The following GRIN2D variants were observed in gnomAD, a reference collection of about 807,000 sequenced individuals.
GRIN2D encodes glutamate receptor ionotropic, NMDA 2D.
A neutral mutation model predicts 103.2 loss-of-function variants in GRIN2D; 37 were observed. That is an observed-to-expected ratio of 0.36 (90% confidence interval 0.28 to 0.47). The LOEUF (loss-of-function observed/expected upper bound fraction) is 0.47, where lower values mean the gene tolerates loss of function less well. Ranked by LOEUF, GRIN2D falls within the 20% of genes least tolerant of loss-of-function variation. The probability of loss-of-function intolerance (pLI) is 1.00; values close to 1 mark genes in which losing one functional copy is unlikely to be tolerated. For synonymous variants in GRIN2D, 845 were observed against 885.6 expected (o/e 0.95, Z 0.81); for missense variants, 1,557 against 1,910.6 (o/e 0.81, Z 3.45).
chr19:48,439,868 G>A lies in GRIN2D; in HGVS notation c.2253-1901G>A, dbSNP rs562309847. Among the ~76,000 whole-genome samples the A allele has an allele frequency of 8.5e-5, 13 of 152,284 alleles. No individual in the cohort carries two copies. The South Asian group carries it at 2.7e-3, about 32-fold the overall frequency. Reference sequence around the variant, plus strand: ...TGAGACAGGAGAATCGTTTGATCCGGGGAGGCGGAGGTTGTGGTGAGCCCA... The same window carrying A: ...TGAGACAGGAGAATCGTTTGATCCGAGGAGGCGGAGGTTGTGGTGAGCCCA... On this transcript the variant is annotated intron_variant, in intron 11 of 13. Transcript: ENST00000263269.
rs1971347859 is a variant in GRIN2D, at chr19:48,443,996, G to A, written c.*59G>A. ...AGCGCAGGCCACGGCCCGAGGGGGC[G>A]CCCGCAGTGGACAGGACCCGCGTGG... On this transcript the variant is annotated 3_prime_UTR_variant, in exon 14 of 14. Transcript: ENST00000263269. This position sits in a 1 kb window ranked among gnomAD's most constrained non-coding sequence, Gnocchi z 8.9. 4.4e-6 allele frequency: 5 copies of A among 1,138,586 alleles called. No individual in the cohort carries two copies. The highest frequency in any genetic ancestry group is 5.8e-6 in the Non-Finnish European group (5 of 867,632). The allele number at this position is 1,138,586 out of a possible 1,614,324, so 70.5% of individuals were successfully genotyped here. A position where few individuals can be genotyped will look rare whatever the true frequency, so the allele number is the denominator to read the frequency against.
In GRIN2D at chr19:48,442,285, C is replaced by G; in HGVS notation, c.2576C>G (p.Ser859Cys). ...FYMLLVAMGL[S>C]LLVFAWEHLV... The stretch of plus-strand genomic sequence containing the variant: ...ATGCTCCTGGTGGCCATGGGCCTGT[C>G]CCTGCTGGTCTTCGCCTGGGAGCAC... Residue 859 changes from serine to cysteine, a missense_variant, in exon 13 of 14, where the codon TCC becomes TGC. Ser to Cys is a moderately radical substitution (Grantham distance 112, BLOSUM62 -1). Coordinates refer to ENST00000263269, the MANE Select transcript of GRIN2D (RefSeq NM_000836.4). The surrounding 1 kb of genome is among the most constrained non-coding windows in gnomAD (Gnocchi z 7.2). 6.2e-7 allele frequency: 1 copy of G among 1,614,152 alleles called. No homozygotes were observed. The highest frequency in any genetic ancestry group is 8.5e-7 in the Non-Finnish European group (1 of 1,180,020).
Position 48,398,848 on chromosome 19 carries a change from C to T in GRIN2D, c.456C>T (p.Leu152=). 7.3e-7 allele frequency: 1 copy of T among 1,373,178 alleles called. No homozygotes were observed. Among genetic ancestry groups the T allele is most frequent in the Non-Finnish European group, 9.4e-7 (1 of 1,064,314 alleles). 85.1% of individuals were successfully genotyped at this position (1,373,178 alleles called of 1,614,324 possible). A position where few individuals can be genotyped will look rare whatever the true frequency, so the allele number is the denominator to read the frequency against. Residue 152 remains leucine, a synonymous_variant, in exon 3 of 14, where the codon CTC becomes CTT. Coordinates refer to ENST00000263269, the MANE Select transcript of GRIN2D (RefSeq NM_000836.4). ...VAVHGGAALV[L]TPKEKGSTFL... ...TGCACGGCGGCGCCGCGCTCGTGCT[C>T]ACGCCCAAGGTGCGCGCGACCGGGG...
chr19:48,399,283 G>A (rs1362003620), intron 3 of GRIN2D, among the ~76,000 whole-genome samples: 1 of 152,180 alleles, frequency 6.6e-6, no homozygotes, highest in African/African-American at 2.4e-5. Flanking sequence ...AAAAGGAATG[G>A]GCCTGGGCGC....
chr19:48,416,926 G>T (rs1452409589), intron 8 of GRIN2D, among the ~76,000 whole-genome samples: 2 of 151,972 alleles, frequency 1.3e-5, no homozygotes, highest in Non-Finnish European at 2.9e-5. Flanking sequence ...TGTATTTTTA[G>T]TAGAGACGGG....
In GRIN2D at chr19:48,443,668, C is replaced by T; in HGVS notation, c.3742C>T (p.Pro1248Ser). 8.4e-7 allele frequency: 1 copy of T among 1,192,024 alleles called. No homozygotes were observed. Among genetic ancestry groups the T allele is most frequent in the African/African-American group, 1.6e-5 (1 of 61,554 alleles). The allele number at this position is 1,192,024 out of a possible 1,614,324, so 73.8% of individuals were successfully genotyped here. A position where few individuals can be genotyped will look rare whatever the true frequency, so the allele number is the denominator to read the frequency against. Residue 1248 changes from proline (P) to serine (S), a missense_variant, in exon 14 of 14, where the codon CCC (proline) becomes TCC (serine). By Grantham distance (74) the Pro-to-Ser change is moderately conservative. This residue lies in a region of GRIN2D where 632 missense variants were observed against 572.8 expected (regional missense o/e 1.10). Coordinates refer to ENST00000263269, the MANE Select transcript of GRIN2D (RefSeq NM_000836.4). The surrounding 1 kb of genome is among the most constrained non-coding windows in gnomAD (Gnocchi z 8.9). ...ASHRTPAAAA[P>S]HHHRHRRAAG... ...GCACCGCACGCCCGCCGCCGCCGCG[C>T]CCCACCACCACAGGCACCGGCGCGC...
intron 11 of GRIN2D, among the ~76,000 whole-genome samples, chr19:48,435,306 T>TG (rs1157332864): frequency 6.7e-5 from 10 of 149,896 alleles, no homozygotes; most frequent in Non-Finnish European, 1.2e-4. Flanking sequence ...GTTTTTTTTT[T>TG]TTTTTTTTTG....
At position 48,398,513 on chromosome 19, in the gene GRIN2D, C is replaced by G; in HGVS notation, c.121C>G (p.Pro41Ala). ...GCCGGGGCCGGGCGGGGCCGGTGGG[C>G]CCGGCGGCGGCCTCGGCGGGGCGCG... Reference protein sequence around the residue: ...EAPGPGGAGGPGGGLGGARPL... With the variant: ...EAPGPGGAGGAGGGLGGARPL... Residue 41 changes from proline (P) to alanine (A), a missense_variant, in exon 3 of 14, where the codon CCC becomes GCC. Physicochemically the swap from Pro to Ala is conservative, Grantham distance 27. Coordinates refer to ENST00000263269, the MANE Select transcript of GRIN2D (RefSeq NM_000836.4). The G allele has an allele frequency of 9.9e-7, 1 of 1,013,936 alleles. No homozygotes were observed. The highest frequency in any genetic ancestry group is 1.2e-6 in the Non-Finnish European group (1 of 850,712). The allele number at this position is 1,013,936 out of a possible 1,614,324, so 62.8% of individuals were successfully genotyped here. A position where few individuals can be genotyped will look rare whatever the true frequency, so the allele number is the denominator to read the frequency against.
intron 11 of GRIN2D, among the ~76,000 whole-genome samples, chr19:48,422,337 G>A (rs1400651577): frequency 1.3e-5 from 2 of 152,190 alleles, no homozygotes; most frequent in Non-Finnish European, 2.9e-5. Context: ...AGTAAGCCGG[G>A]CACGGTGGCT....
At chr19:48,402,656 T>G (rs1458406745) in intron 3 of GRIN2D, among the ~76,000 whole-genome samples, 8 of 142,702 alleles carry the variant, frequency 5.6e-5, no homozygotes, top group Non-Finnish European at 9.0e-5. Context: ...AGCGGAGCTT[T>G]CAGTGAGCCG....
chr19:48,404,145 C>T (rs1970751569), intron 3 of GRIN2D, among the ~76,000 whole-genome samples: 1 of 151,362 alleles, frequency 6.6e-6, no homozygotes, highest in Admixed American at 6.6e-5. Flanking sequence ...GAGGCTGAGG[C>T]AGGAGAACTG....
intron 8 of GRIN2D, among the ~76,000 whole-genome samples, chr19:48,418,652 C>T (rs2147454759): frequency 6.6e-6 from 1 of 152,016 alleles, no homozygotes. Flanking sequence ...AGGCTGTGGC[C>T]AGCGAGGGAG....
intron 2 of GRIN2D, among the ~76,000 whole-genome samples, chr19:48,395,279 T>C (rs1600964674): frequency 6.8e-6 from 1 of 147,302 alleles, no homozygotes; most frequent in South Asian, 2.2e-4. Context: ...CCTGCATCAG[T>C]CCCCCCATCG....
At chr19:48,399,607 C>G (rs1182052479) in intron 3 of GRIN2D, among the ~76,000 whole-genome samples, 1 of 152,008 alleles carries the variant, frequency 6.6e-6, no homozygotes, top group Non-Finnish European at 1.5e-5. Context: ...AAGAAAGGGG[C>G]GAAGTCTAGT....
At chr19:48,441,226 G>A (rs1213004151) in intron 11 of GRIN2D, among the ~76,000 whole-genome samples, 2 of 151,884 alleles carry the variant, frequency 1.3e-5, no homozygotes. Context: ...AGCTGGGCGT[G>A]GTAGTGGGCA....
At position 48,441,938 on chromosome 19, in the gene GRIN2D, C is replaced by A; in HGVS notation, c.2422C>A (p.Leu808Met). The change falls in exon 12 of 14, where the codon CTG becomes ATG. Residue 808 changes from leucine to methionine, a missense_variant. By Grantham distance (15) the Leu-to-Met change is conservative. This residue lies in a region of GRIN2D where 138 missense variants were observed against 270.2 expected (regional missense o/e 0.51). Coordinates refer to ENST00000263269, the MANE Select transcript of GRIN2D (RefSeq NM_000836.4). ...GAAGCGGCCCATCGACCTGGCGTTG[C>A]TGCAGTTCCTGGGGGATGGTGCGGC... ...RWKRPIDLAL[L>M]QFLGDDEIEM... 6.2e-7 allele frequency: 1 copy of A among 1,607,770 alleles called. No homozygotes were observed. The highest frequency in any genetic ancestry group is 8.5e-7 in the Non-Finnish European group (1 of 1,178,218).
Position 48,416,017 on chromosome 19 carries a change from G to T in GRIN2D, c.1597G>T (p.Ala533Ser). 1.2e-6 allele frequency: 2 copies of T among 1,613,606 alleles called. No homozygotes were observed. Among genetic ancestry groups the T allele is most frequent in the Admixed American group, 1.7e-5 (1 of 59,984 alleles). The change falls in exon 8 of 14, where the codon GCA becomes TCA. Residue 533 changes from alanine to serine, a missense_variant. By Grantham distance (99) the Ala-to-Ser change is moderately conservative. Around this residue, in one of 7 missense-constraint regions of GRIN2D, gnomAD observed 197 missense variants for 334.1 expected, o/e 0.59. Coordinates refer to ENST00000263269, the MANE Select transcript of GRIN2D (RefSeq NM_000836.4). ...GMIGEVFYQR[A>S]DMAIGSLTIN... ...CCCACCCCAGGTGTTCTACCAGCGC[G>T]CAGACATGGCCATCGGCTCCCTCAC...
chr19:48,395,537 C>T (rs980391809), intron 2 of GRIN2D, among the ~76,000 whole-genome samples: 9 of 151,916 alleles, frequency 5.9e-5, no homozygotes, highest in Non-Finnish European at 1.2e-4. Flanking sequence ...AACGGGATGC[C>T]GTCTGCAGCA....
intron 2 of GRIN2D, among the ~76,000 whole-genome samples, chr19:48,398,105 C>T (rs1265872269): frequency 6.0e-5 from 9 of 151,160 alleles, no homozygotes; most frequent in Non-Finnish European, 1.2e-4. Context: ...TCCCCTCCAT[C>T]TCTCTCTACC....
Sources: gnomAD v4.1 joint callset for allele counts (sites outside exome capture counted in the v4.1 genomes callset) on GRCh38, gnomAD v4.1.1 for gene constraint, gnomAD v4.1.1 regional missense constraint, Gnocchi (gnomAD v3.1) non-coding constraint, MANE v1.5 for transcripts, NCBI Gene and HGNC (gene_info 2026-07-23, HGNC 2026-07-21) for gene names.